CDH12: variants seen among roughly 807,000 people sequenced by gnomAD.
CDH12 encodes the protein cadherin-12.
CDH12 carries 41 observed loss-of-function variants against 74.1 expected under a neutral mutation model. The ratio of observed to expected loss-of-function variants is 0.55; its 90% CI spans 0.43 to 0.72. The LOEUF (loss-of-function observed/expected upper bound fraction) is 0.72, where lower values mean the gene tolerates loss of function less well. Ranked by LOEUF, CDH12 falls within the 30% of genes least tolerant of loss-of-function variation. CDH12 has a pLI of 0.00. For synonymous variants in CDH12, 399 were observed against 355.0 expected, an observed-to-expected ratio of 1.12 and a Z score of -1.39; for missense variants, 945 against 977.2, an observed-to-expected ratio of 0.97 and a Z score of 0.44.
At chr5:22,538,802 T>C (rs567994687) in intron 1 of CDH12, among the ~76,000 whole-genome samples, 1 of 152,356 alleles carries the variant, frequency 6.6e-6, no homozygotes, top group African/African-American at 2.4e-5. Context: ...AGAGTGGCCT[T>C]GGTCAAGGTA....
At chr5:22,249,038 T>C (rs557519509) in intron 3 of CDH12, among the ~76,000 whole-genome samples, 77 of 152,316 alleles carry the variant, frequency 5.1e-4, no homozygotes, top group African/African-American at 1.7e-3. Context: ...TTGGGATTTA[T>C]ATGTAATGAT....
At chr5:22,490,518 C>A (rs555918950) in intron 2 of CDH12, among the ~76,000 whole-genome samples, 94 of 151,770 alleles carry the variant, frequency 6.2e-4, no homozygotes, top group African/African-American at 2.2e-3. Flanking sequence ...TAAATATCCC[C>A]CATTCATAAG....
chr5:22,547,929 A>G (rs1462182861), intron 1 of CDH12, among the ~76,000 whole-genome samples: 1 of 152,200 alleles, frequency 6.6e-6, no homozygotes, highest in Non-Finnish European at 1.5e-5. Flanking sequence ...TTAATATTAC[A>G]TGGGGTAAAT....
intron 4 of CDH12, among the ~76,000 whole-genome samples, chr5:22,132,946 G>A (rs571657478): frequency 5.9e-5 from 9 of 152,058 alleles, no homozygotes; most frequent in South Asian, 2.1e-4. Context: ...TTTTGTTTTC[G>A]ATTATCACAC....
chr5:22,548,961 A>G (rs1477989231), intron 1 of CDH12, among the ~76,000 whole-genome samples: 1 of 151,756 alleles, frequency 6.6e-6, no homozygotes, highest in Non-Finnish European at 1.5e-5. Flanking sequence ...TTTTTAAGTG[A>G]CAGGGTCTCG....
At chr5:21,869,414 T>C (rs1254895043) in intron 6 of CDH12, among the ~76,000 whole-genome samples, 1 of 152,180 alleles carries the variant, frequency 6.6e-6, no homozygotes, top group Non-Finnish European at 1.5e-5. Context: ...TGTTAATAAA[T>C]GCCAGCTATG....
chr5:22,597,341 T>C (rs1736651890), intron 1 of CDH12, among the ~76,000 whole-genome samples: 1 of 152,242 alleles, frequency 6.6e-6, no homozygotes, highest in Admixed American at 6.5e-5. Flanking sequence ...AAGCTACAGC[T>C]TTCAAATTTT....
intron 5 of CDH12, among the ~76,000 whole-genome samples, chr5:22,053,715 G>A (rs1038724945): frequency 6.6e-6 from 1 of 152,062 alleles, no homozygotes; most frequent in Non-Finnish European, 1.5e-5. Flanking sequence ...TCTCCACATG[G>A]AAAGCAGAAA....
intron 2 of CDH12, among the ~76,000 whole-genome samples, chr5:22,454,848 C>A (rs113157682): frequency 6.6e-6 from 1 of 152,260 alleles, no homozygotes; most frequent in African/African-American, 2.4e-5. Context: ...ACCTTAATCA[C>A]CTTTCAAAAA....
At chr5:22,842,474 G>C (rs1382529948) in intron 1 of CDH12, among the ~76,000 whole-genome samples, 1 of 152,016 alleles carries the variant, frequency 6.6e-6, no homozygotes, top group Middle Eastern at 3.2e-3. Flanking sequence ...TTTTGCAAGA[G>C]AGTTACAGAG....
chr5:21,974,762 C>A (rs1268781133), intron 6 of CDH12, among the ~76,000 whole-genome samples: 1 of 152,076 alleles, frequency 6.6e-6, no homozygotes, highest in African/African-American at 2.4e-5. Context: ...GGGTAGGTGT[C>A]TCCAGCACTA....
At chr5:22,349,940 A>C (rs1740290059) in intron 3 of CDH12, among the ~76,000 whole-genome samples, 1 of 152,218 alleles carries the variant, frequency 6.6e-6, no homozygotes, top group South Asian at 2.1e-4. Context: ...ACAATAGAAT[A>C]AATAAATGAT....
chr5:22,769,729 T>A (rs1198458903), intron 1 of CDH12, among the ~76,000 whole-genome samples: 1 of 151,980 alleles, frequency 6.6e-6, no homozygotes, highest in Non-Finnish European at 1.5e-5. Flanking sequence ...TGAAGAGACT[T>A]GGGGATGGAT....
At chr5:22,759,251 G>A (rs1746085814) in intron 1 of CDH12, among the ~76,000 whole-genome samples, 1 of 151,752 alleles carries the variant, frequency 6.6e-6, no homozygotes, top group African/African-American at 2.4e-5. Flanking sequence ...CACCACACAT[G>A]TATTCTTTCT....
intron 4 of CDH12, among the ~76,000 whole-genome samples, chr5:22,092,353 G>T: frequency 6.6e-6 from 1 of 152,170 alleles, no homozygotes; most frequent in East Asian, 1.9e-4. Flanking sequence ...AAAAAAGTAT[G>T]TTCAAATTAT....
intron 6 of CDH12, among the ~76,000 whole-genome samples, chr5:21,874,409 C>T (rs1477534151): frequency 6.6e-6 from 1 of 152,140 alleles, no homozygotes; most frequent in Non-Finnish European, 1.5e-5. Flanking sequence ...GGGCTTGCAA[C>T]TTAGCTCACA....
intron 2 of CDH12, among the ~76,000 whole-genome samples, chr5:22,421,581 CTA>C (rs199649391): frequency 0.023 from 3,512 of 152,256 alleles, 57 homozygotes; most frequent in Middle Eastern, 0.037. Flanking sequence ...TTTATCCAGT[CTA>C]TCACTGACAG....
intron 4 of CDH12, among the ~76,000 whole-genome samples, chr5:22,153,860 A>G (rs111728733): frequency 0.049 from 4,242 of 86,156 alleles, 168 homozygotes; most frequent in African/African-American, 0.13. Flanking sequence ...GTGTGTGTGT[A>G]TATATATATA....
intron 3 of CDH12, among the ~76,000 whole-genome samples, chr5:22,314,955 T>C (rs1738555325): frequency 1.1e-5 from 1 of 92,228 alleles, no homozygotes; most frequent in Non-Finnish European, 2.3e-5. Flanking sequence ...TTTTTTTTTT[T>C]TTTTTTTTTT....
Sources: gnomAD v4.1 joint callset for allele counts (sites outside exome capture counted in the v4.1 genomes callset) on GRCh38, gnomAD v4.1.1 for gene constraint, MANE v1.5 for transcripts, NCBI Gene and HGNC (gene_info 2026-07-23, HGNC 2026-07-21) for gene names.